SGCD: variants seen among roughly 807,000 people sequenced by gnomAD.
SGCD encodes sarcoglycan delta, also known as delta-sarcoglycan.
A neutral mutation model predicts 36.6 loss-of-function variants in SGCD; 18 were observed. That is an observed-to-expected ratio of 0.49 (90% CI 0.34 to 0.73). The LOEUF (loss-of-function observed/expected upper bound fraction) is 0.73, where lower values mean the gene tolerates loss of function less well. SGCD is among the 30% of genes least tolerant of loss of function. SGCD has a pLI of 0.01. For missense variants in SGCD, 387 were observed against 346.7 expected (o/e 1.12, Z -0.92); for synonymous variants, 133 against 130.6 (o/e 1.02, Z -0.12).
chr5:156,079,461 C>G (rs191414626), intron 1 of SGCD, among the ~76,000 whole-genome samples: 1 of 152,150 alleles, frequency 6.6e-6, no homozygotes, highest in Admixed American at 6.5e-5. Context: ...TCAAAAGTTC[C>G]GAGCCCAAAG....
chr5:156,024,048 A>G (rs1759168930), intron 1 of SGCD, among the ~76,000 whole-genome samples: 1 of 152,156 alleles, frequency 6.6e-6, no homozygotes, highest in Non-Finnish European at 1.5e-5. Context: ...TTCCACAGTG[A>G]TCATGATTTA....
intron 3 of SGCD, among the ~76,000 whole-genome samples, chr5:156,426,124 A>C (rs1054390958): frequency 6.6e-6 from 1 of 152,108 alleles, no homozygotes; most frequent in African/African-American, 2.4e-5. Context: ...CAGTTCTTTA[A>C]GGAATCTTCA....
chr5:155,891,397 C>T (rs1034367369), intron 1 of SGCD, among the ~76,000 whole-genome samples: 2 of 151,966 alleles, frequency 1.3e-5, no homozygotes, highest in Admixed American at 6.6e-5. Flanking sequence ...TTTTGCCATT[C>T]GTAAATTAAA....
intron 3 of SGCD, among the ~76,000 whole-genome samples, chr5:156,413,936 G>C (rs572381021): frequency 1.3e-5 from 2 of 152,150 alleles, no homozygotes; most frequent in African/African-American, 4.8e-5. Flanking sequence ...GGAGATGAAA[G>C]TCATACGAGT....
chr5:155,937,880 A>G (rs1274632183), intron 1 of SGCD, among the ~76,000 whole-genome samples: 3 of 152,212 alleles, frequency 2.0e-5, no homozygotes, highest in Non-Finnish European at 2.9e-5. Context: ...ACTGCTGAGA[A>G]TATACAAAAC....
chr5:156,092,946 G>A (rs560620308), intron 1 of SGCD, among the ~76,000 whole-genome samples: 1 of 152,216 alleles, frequency 6.6e-6, no homozygotes, highest in Non-Finnish European at 1.5e-5. Context: ...TGAGTAAGTG[G>A]CATCTGTATT....
intron 3 of SGCD, among the ~76,000 whole-genome samples, chr5:156,487,813 A>AAAAAAAGAAAG (rs1554107842): frequency 2.6e-5 from 2 of 77,798 alleles, no homozygotes; most frequent in African/African-American, 4.4e-5. Context: ...AAAAAAAAAA[A>AAAAAAAGAAAG]AAAGAAAGAA....
At chr5:155,836,408 G>A in the SGCD span, among the ~76,000 whole-genome samples, 14 of 152,132 alleles carry the variant, frequency 9.2e-5, no homozygotes, top group Admixed American at 1.3e-4. Flanking sequence ...AATGAAAAAC[G>A]ATTCTTCAAG....
At chr5:156,672,708 A>G (rs1166557973) in intron 7 of SGCD, among the ~76,000 whole-genome samples, 2 of 152,072 alleles carry the variant, frequency 1.3e-5, no homozygotes, top group Non-Finnish European at 2.9e-5. Flanking sequence ...TTTAGGGTCC[A>G]TTTATAGCCA....
At chr5:156,237,829 A>C (rs1250726993) in intron 3 of SGCD, among the ~76,000 whole-genome samples, 2 of 152,222 alleles carry the variant, frequency 1.3e-5, no homozygotes, top group Non-Finnish European at 2.9e-5. Context: ...TGTGCCAGAT[A>C]CTGGAGATAC....
In SGCD at chr5:156,647,599, A is replaced by G. The variant is rs1763279356; in HGVS notation, c.575+63A>G. ...ATTGCCTTGCTCTGTGCAACTGGCC[A>G]GTGATTCATTCTGAATAAATAATAA... On this transcript the variant is annotated intron_variant, in intron 7 of 8. Coordinates refer to ENST00000337851, the MANE Select transcript of SGCD (RefSeq NM_000337.6). The G allele has an allele frequency of 1.2e-5, 13 of 1,041,540 alleles. No individual in the cohort carries two copies. In the Admixed American group the frequency reaches 2.6e-4, roughly 21 times the overall value. 64.5% of individuals were successfully genotyped at this position (1,041,540 alleles called of 1,614,324 possible).
chr5:156,529,511 CA>C (rs1198885257), intron 4 of SGCD, among the ~76,000 whole-genome samples: 4,676 of 136,038 alleles, frequency 0.034, 89 homozygotes, highest in African/African-American at 0.053. Context: ...ATGTTGTTGG[CA>C]AAAAAAAAAA....
intron 3 of SGCD, among the ~76,000 whole-genome samples, chr5:156,306,146 AT>A (rs1331888514): frequency 6.6e-6 from 1 of 152,126 alleles, no homozygotes; most frequent in Non-Finnish European, 1.5e-5. Flanking sequence ...AGAACATTAT[AT>A]TTTGGAGGTG....
chr5:155,734,160 T>A, the SGCD span, among the ~76,000 whole-genome samples: 1 of 144,898 alleles, frequency 6.9e-6, no homozygotes, highest in South Asian at 2.1e-4. Context: ...AATGTTACTG[T>A]TATTATATTA....
intron 3 of SGCD, among the ~76,000 whole-genome samples, chr5:156,150,770 T>A (rs989450602): frequency 6.6e-6 from 1 of 151,692 alleles, no homozygotes; most frequent in Non-Finnish European, 1.5e-5. Context: ...CTTTCTCTTA[T>A]AATGAACTTG....
chr5:156,431,227 A>G lies in SGCD; in HGVS notation c.193-77374A>G, dbSNP rs1042636905. Among the ~76,000 whole-genome samples, 15 of 152,268 alleles carry G rather than the reference A, an allele frequency of 9.9e-5. No individual in the cohort carries two copies. In the East Asian group the frequency reaches 2.1e-3, roughly 22 times the overall value. On this transcript the variant is annotated intron_variant, in intron 3 of 8. Transcript: ENST00000337851. The stretch of plus-strand genomic sequence containing the variant: ...CAGACAGGCACCTCTTTTCATCTGT[A>G]GAAATGTTGATGTTCCAAGTAGGGA...
chr5:156,065,662 G>T (rs1006116901), intron 1 of SGCD, among the ~76,000 whole-genome samples: 1 of 15,862 alleles, frequency 6.3e-5, no homozygotes, highest in Non-Finnish European at 1.1e-4. Flanking sequence ...AGCTCCTCTT[G>T]TTGAATTGAT....
At chr5:156,693,792 T>C (rs1754203861) in intron 7 of SGCD, among the ~76,000 whole-genome samples, 1 of 152,124 alleles carries the variant, frequency 6.6e-6, no homozygotes, top group Admixed American at 6.6e-5. Flanking sequence ...TGTAGTTTGG[T>C]TTTGGTTTTC....
At chr5:156,152,700 T>C (rs1355786159) in intron 3 of SGCD, among the ~76,000 whole-genome samples, 1 of 151,726 alleles carries the variant, frequency 6.6e-6, no homozygotes, top group Non-Finnish European at 1.5e-5. Context: ...TCACCTTTTC[T>C]TTTTACATTT....
Sources: gnomAD v4.1 joint callset for allele counts (sites outside exome capture counted in the v4.1 genomes callset) on GRCh38, gnomAD v4.1.1 for gene constraint, MANE v1.5 for transcripts, NCBI Gene and HGNC (gene_info 2026-07-23, HGNC 2026-07-21) for gene names.